Variants in ORC4 observed in about 807,000 individuals in gnomAD.
ORC4 encodes the protein origin recognition complex subunit 4, also known as origin recognition complex, subunit 4 homolog.
A neutral mutation model predicts 63.9 loss-of-function variants in ORC4; 55 were observed. That is an observed-to-expected ratio of 0.86 (90% CI 0.69 to 1.08). The LOEUF is 1.08. Ranked by LOEUF, ORC4 falls within the 50% of genes least tolerant of loss-of-function variation. The pLI, the probability that ORC4 is intolerant of heterozygous loss-of-function variation, is 0.00. For missense variants in ORC4, 511 were observed against 504.4 expected (o/e 1.01, Z -0.13); for synonymous variants, 150 against 168.5 (o/e 0.89, Z 0.85).
chr2:148,000,928 C>T (rs1239381442), intron 1 of ORC4, among the ~76,000 whole-genome samples: 2 of 151,842 alleles, frequency 1.3e-5, no homozygotes, highest in Non-Finnish European at 2.9e-5. Flanking sequence ...TATAGTAAGT[C>T]AAGAGATAAT....
In ORC4 at chr2:147,975,897, C is replaced by T. The variant is rs1015339873; in HGVS notation, c.57+5G>A. On this transcript the variant is annotated splice_donor_5th_base_variant and intron_variant, in intron 2 of 13. Coordinates refer to ENST00000392857, the MANE Select transcript of ORC4 (RefSeq NM_181741.4). ...ATCTTGAGATTAATGAAAATACATA[C>T]TAACCTGTGAAAGGCACTCTGTGTG... The T allele has an allele frequency of 6.7e-7, 1 of 1,503,140 alleles. No homozygotes were observed. Among genetic ancestry groups the T allele is most frequent in the Non-Finnish European group, 9.3e-7 (1 of 1,078,906 alleles). The allele number at this position is 1,503,140 out of a possible 1,614,324, so 93.1% of individuals were successfully genotyped here.
chr2:147,972,093 A>G (rs1315543625), intron 4 of ORC4, among the ~76,000 whole-genome samples: 1 of 152,060 alleles, frequency 6.6e-6, no homozygotes, highest in East Asian at 1.9e-4. Context: ...AAAAGTTAAC[A>G]CCCATAATTT....
At chr2:147,967,413 A>G (rs1005737739) in intron 4 of ORC4, among the ~76,000 whole-genome samples, 4 of 151,994 alleles carry the variant, frequency 2.6e-5, no homozygotes, top group Non-Finnish European at 5.9e-5. Context: ...TAGAGACTCT[A>G]CCAAAAAACT....
At chr2:147,952,755 G>T (rs1244500626) in intron 7 of ORC4, among the ~76,000 whole-genome samples, 1 of 152,194 alleles carries the variant, frequency 6.6e-6, no homozygotes, top group African/African-American at 2.4e-5. Context: ...GGCTGGGCGT[G>T]GTGGCTCATG....
Position 147,952,484 on chromosome 2 carries a change from A to T in ORC4, c.477T>A (p.Asp159Glu). ...TSSCPVIFIL[D>E]EFDLFAHHKN... Reference sequence around the variant, plus strand: ...TATGATGAGCAAAAAGATCAAATTCATCTAATATGAAGATCACTGGGCAAC... The same window carrying T: ...TATGATGAGCAAAAAGATCAAATTCTTCTAATATGAAGATCACTGGGCAAC... Residue 159 changes from aspartate to glutamate, a missense_variant, in exon 8 of 14, where the codon GAT becomes GAA. Asp to Glu is a conservative substitution (Grantham distance 45). Coordinates refer to ENST00000392857, the MANE Select transcript of ORC4 (RefSeq NM_181741.4). The T allele has an allele frequency of 6.2e-7, 1 of 1,611,620 alleles. No individual in the cohort carries two copies. The highest frequency in any genetic ancestry group is 8.5e-7 in the Non-Finnish European group (1 of 1,177,716).
At chr2:147,958,030 G>T (rs1689361436) in intron 6 of ORC4, among the ~76,000 whole-genome samples, 1 of 152,052 alleles carries the variant, frequency 6.6e-6, no homozygotes, top group Non-Finnish European at 1.5e-5. Flanking sequence ...TCACCTTACA[G>T]AAAATGAAAT....
intron 1 of ORC4, among the ~76,000 whole-genome samples, chr2:147,984,192 C>T (rs536084778): frequency 6.6e-6 from 1 of 152,188 alleles, no homozygotes; most frequent in South Asian, 2.1e-4. Context: ...CTTGTCTCCC[C>T]TTCTACCTCC....
chr2:148,019,821 C>T (rs1693583672), intron 1 of ORC4, among the ~76,000 whole-genome samples: 1 of 152,148 alleles, frequency 6.6e-6, no homozygotes, highest in African/African-American at 2.4e-5. Flanking sequence ...ATTTATAAAT[C>T]CTTTCTTAAA....
chr2:147,997,800 G>A lies in ORC4; in HGVS notation c.-17-21825C>T, dbSNP rs1692059185. On this transcript the variant is annotated intron_variant, in intron 1 of 13. Coordinates refer to ENST00000392857, the MANE Select transcript of ORC4 (RefSeq NM_181741.4). ...TGTTTGTAACTTTAAAAATTTTCTT[G>A]CACATTTAAATCAAATCTTGTACTT... Among the ~76,000 whole-genome samples, 3 of 151,988 alleles carry A rather than the reference G, an allele frequency of 2.0e-5. No individual in the cohort carries two copies. In the South Asian group the frequency reaches 6.2e-4, roughly 32 times the overall value.
intron 1 of ORC4, among the ~76,000 whole-genome samples, chr2:147,986,780 C>CACACACAT (rs1409994710): frequency 8.1e-6 from 1 of 122,940 alleles, no homozygotes; most frequent in Non-Finnish European, 1.7e-5. Flanking sequence ...TATACAGACA[C>CACACACAT]ACACACACAT....
At chr2:147,938,733 T>C (rs943101219) in intron 11 of ORC4, 12 of 335,558 alleles carry the variant, frequency 3.6e-5, no homozygotes, top group Non-Finnish European at 4.4e-5. Flanking sequence ...GGCCTTTGCG[T>C]AGGATTTATC....
chr2:147,955,203 T>G lies in ORC4; in HGVS notation c.436+144A>C, dbSNP rs1689178561. 8.0e-6 allele frequency: 5 copies of G among 626,926 alleles called. 1 individual carries two copies. The East Asian group carries it at 1.4e-4, about 18-fold the overall frequency. 38.8% of individuals were successfully genotyped at this position (626,926 alleles called of 1,614,324 possible). ...ATAATCACTGTTATAGTGGTGGGAA[T>G]ACAGTGAACATTGTATTCTTTTTAA... On this transcript the variant is annotated intron_variant, in intron 7 of 13. Coordinates refer to ENST00000392857, the MANE Select transcript of ORC4 (RefSeq NM_181741.4).
Position 147,935,553 on chromosome 2 carries a change from G to A in ORC4, c.1268C>T (p.Thr423Ile). ...GGATGTTGCCCACTGCCTCACATCT[G>A]TAGGACAGTTGGGATATTTCTGCAG... ...NALQKYPNCP[T>I]DVRQWATSSL... is the part of the protein sequence containing the mutation. Residue 423 changes from threonine (T) to isoleucine (I), a missense_variant, in exon 14 of 14, where the codon ACA (threonine) becomes ATA (isoleucine). Physicochemically the swap from Thr to Ile is moderately conservative, Grantham distance 89 (BLOSUM62 -1). Transcript: ENST00000392857. The A allele has an allele frequency of 6.2e-7, 1 of 1,613,862 alleles. No homozygotes were observed. The highest frequency in any genetic ancestry group is 8.5e-7 in the Non-Finnish European group (1 of 1,179,786).
chr2:147,977,993 A>G (rs1030901890), intron 1 of ORC4, among the ~76,000 whole-genome samples: 5 of 152,132 alleles, frequency 3.3e-5, no homozygotes, highest in African/African-American at 9.7e-5. Flanking sequence ...TCCTTAAGTT[A>G]GCGGGCCTGC....
At chr2:147,966,423 T>C (rs1018042455) in intron 4 of ORC4, among the ~76,000 whole-genome samples, 5 of 151,660 alleles carry the variant, frequency 3.3e-5, no homozygotes, top group Admixed American at 6.6e-5. Flanking sequence ...ATAAACAAAA[T>C]TGAGACTAAA....
chr2:148,006,075 G>A lies in ORC4; in HGVS notation c.-18+14558C>T, dbSNP rs150595077. Among the ~76,000 whole-genome samples, 3 of 152,258 alleles carry A rather than the reference G, an allele frequency of 2.0e-5. No homozygotes were observed. The East Asian group carries it at 5.8e-4, about 29-fold the overall frequency. ...TTTTAACATAATATCAAGGAAAGAA[G>A]CATCGAAGAGGGTAGGAAAGACAGT... On this transcript the variant is annotated intron_variant, in intron 1 of 13. Coordinates refer to ENST00000392857, the MANE Select transcript of ORC4 (RefSeq NM_181741.4).
Position 147,930,745 on chromosome 2 carries a change from G to GTGAT in ORC4, c.*4761_*4764dup, listed in dbSNP as rs1164724108. The GTGAT allele has an allele frequency of 6.6e-6, 1 of 152,254 alleles. No individual in the cohort carries two copies. Among genetic ancestry groups the GTGAT allele is most frequent in the Non-Finnish European group, 1.5e-5 (1 of 67,974 alleles). The allele number at this position is 152,254 out of a possible 1,614,324, so 9.4% of individuals were successfully genotyped here. ...CCCCATAAAACCCCACCTTGGATAA[G>GTGAT]TGATTGTTAAATATTGTACAAATAA... On this transcript the variant is annotated 3_prime_UTR_variant, in exon 14 of 14. Transcript: ENST00000392857.
At chr2:148,017,546 C>T (rs1693383579) in intron 1 of ORC4, among the ~76,000 whole-genome samples, 1 of 152,102 alleles carries the variant, frequency 6.6e-6, no homozygotes, top group Admixed American at 6.5e-5. Flanking sequence ...GTGGCACATG[C>T]TTGTAATCCC....
chr2:148,017,444 G>C (rs977805363), intron 1 of ORC4, among the ~76,000 whole-genome samples: 2 of 152,140 alleles, frequency 1.3e-5, no homozygotes, highest in African/African-American at 2.4e-5. Flanking sequence ...GCCCAAGGTG[G>C]GTGGATCACT....
Sources: allele counts gnomAD v4.1 joint callset (sites outside exome capture counted in the v4.1 genomes callset), GRCh38; gene constraint gnomAD v4.1.1; transcripts MANE v1.5; gene names NCBI Gene and HGNC (gene_info 2026-07-23, HGNC 2026-07-21).